TAOK1: variants seen among roughly 807,000 people sequenced by gnomAD.
The protein encoded by TAOK1 is TAO kinase 1, also known as serine/threonine-protein kinase TAO1.
A neutral mutation model predicts 138.3 loss-of-function variants in TAOK1; 21 were observed. That is an observed-to-expected ratio of 0.15 (90% CI 0.11 to 0.22). The LOEUF (loss-of-function observed/expected upper bound fraction) is 0.22. Ranked by LOEUF, TAOK1 falls within the 10% of genes least tolerant of loss-of-function variation. The pLI is 1.00. For synonymous variants in TAOK1, 361 were observed against 398.4 expected (o/e 0.91, Z 1.12); for missense variants, 651 against 1,227.7 (o/e 0.53, Z 7.02).
intron 1 of TAOK1, among the ~76,000 whole-genome samples, chr17:29,423,981 G>A (rs897077410): frequency 3.3e-5 from 5 of 151,352 alleles, no homozygotes; most frequent in Non-Finnish European, 7.4e-5. Context: ...CCCGGGAGGC[G>A]GAGGTTGCAG....
intron 1 of TAOK1, among the ~76,000 whole-genome samples, chr17:29,437,976 C>T (rs1025943264): frequency 1.3e-5 from 2 of 152,104 alleles, no homozygotes; most frequent in Non-Finnish European, 2.9e-5. Flanking sequence ...TTGTGATTCG[C>T]CCGCCTTAGC....
At chr17:29,519,129 A>T (rs1567742414) in intron 16 of TAOK1, among the ~76,000 whole-genome samples, 18 of 152,174 alleles carry the variant, frequency 1.2e-4, no homozygotes. Flanking sequence ...AATGGGTTCC[A>T]TGAAGTGTGT....
rs139779293 is a variant in TAOK1 at position 29,448,619 on chromosome 17, C to T, written c.-94-2836C>T. Among the ~76,000 whole-genome samples, 418 of 152,272 alleles carry T rather than the reference C, an allele frequency of 2.7e-3. 2 individuals carry two copies. The highest frequency in any genetic ancestry group is 9.3e-3 in the African/African-American group (387 of 41,560). On this transcript the variant is annotated intron_variant, in intron 1 of 19. Coordinates refer to ENST00000261716, the MANE Select transcript of TAOK1 (RefSeq NM_020791.4). ...TTTCAATTCCCTAATTATCTCTTGT[C>T]TCTCTGAATTTCTGGAAGTTGCTAT...
At chr17:29,497,697 A>C (rs1191683846) in intron 11 of TAOK1, among the ~76,000 whole-genome samples, 2 of 150,230 alleles carry the variant, frequency 1.3e-5, no homozygotes, top group Non-Finnish European at 3.0e-5. Flanking sequence ...AGAGTTCCCC[A>C]AAAACCTATT....
At chr17:29,400,219 C>T (rs1904793772) in intron 1 of TAOK1, among the ~76,000 whole-genome samples, 1 of 151,860 alleles carries the variant, frequency 6.6e-6, no homozygotes, top group South Asian at 2.1e-4. Context: ...AGTGGTGAAA[C>T]CCCGTCTTTA....
chr17:29,502,367 C>T (rs1328049654), intron 12 of TAOK1, among the ~76,000 whole-genome samples: 1 of 152,186 alleles, frequency 6.6e-6, no homozygotes. Flanking sequence ...GAGGTTGAAG[C>T]TACAGTGAGC....
At chr17:29,399,615 A>C (rs1904776222) in intron 1 of TAOK1, among the ~76,000 whole-genome samples, 1 of 152,096 alleles carries the variant, frequency 6.6e-6, no homozygotes, top group African/African-American at 2.4e-5. Context: ...GCGCCTGGTG[A>C]TATTGGATTT....
intron 1 of TAOK1, among the ~76,000 whole-genome samples, chr17:29,437,044 G>GAA (rs56709487): frequency 6.6e-6 from 1 of 151,810 alleles, no homozygotes; most frequent in Non-Finnish European, 1.5e-5. Context: ...GTTTAAAGAA[G>GAA]AAAAAAACCT....
At chr17:29,457,043 A>G (rs548827526) in intron 2 of TAOK1, among the ~76,000 whole-genome samples, 1 of 98,178 alleles carries the variant, frequency 1.0e-5, no homozygotes, top group African/African-American at 4.3e-5. Flanking sequence ...ATATAGTTCT[A>G]TTTCTGTAAC....
intron 2 of TAOK1, among the ~76,000 whole-genome samples, chr17:29,455,312 T>C (rs2030347405): frequency 6.6e-6 from 1 of 150,720 alleles, no homozygotes; most frequent in South Asian, 2.1e-4. Context: ...CATAGCTGTT[T>C]TTTGTATCTT....
At chr17:29,479,491 A>G (rs1380731237) in intron 6 of TAOK1, among the ~76,000 whole-genome samples, 2 of 152,146 alleles carry the variant, frequency 1.3e-5, no homozygotes, top group African/African-American at 4.8e-5. Context: ...ATTTTTTAAC[A>G]TGAGGATAAG....
intron 18 of TAOK1, among the ~76,000 whole-genome samples, chr17:29,533,289 C>T (rs1460604102): frequency 2.7e-5 from 4 of 146,252 alleles, no homozygotes; most frequent in Admixed American, 6.8e-5. Flanking sequence ...GGATGGCGGC[C>T]GGGAAGAGGC....
rs1905543964 is a variant in TAOK1 at position 29,423,909 on chromosome 17, C to T, written c.-94-27546C>T. Among the ~76,000 whole-genome samples the T allele has an allele frequency of 1.3e-5, 2 of 151,854 alleles. 1 individual carries two copies. The highest frequency in any genetic ancestry group is 4.2e-4 in the South Asian group (2 of 4,812). ...CTAAAAATACAAAAAATTAGCCAGGCGTGGTAGTGGACGCCTGTAATCCCA... is the reference window on the plus strand; with the variant it reads ...CTAAAAATACAAAAAATTAGCCAGGTGTGGTAGTGGACGCCTGTAATCCCA... On this transcript the variant is annotated intron_variant, in intron 1 of 19. Coordinates refer to ENST00000261716, the MANE Select transcript of TAOK1 (RefSeq NM_020791.4).
At chr17:29,515,464 G>C (rs765229244) in intron 15 of TAOK1, among the ~76,000 whole-genome samples, 5 of 152,140 alleles carry the variant, frequency 3.3e-5, no homozygotes, top group Non-Finnish European at 5.9e-5. Flanking sequence ...CAGAAACGTA[G>C]CTGTGCAGAG....
At chr17:29,519,376 G>A (rs985872500) in intron 16 of TAOK1, among the ~76,000 whole-genome samples, 3 of 151,964 alleles carry the variant, frequency 2.0e-5, no homozygotes, top group Admixed American at 6.6e-5. Flanking sequence ...CAAATGAGCC[G>A]GACGAGGTGG....
At chr17:29,497,226 G>T (rs1253295334) in intron 11 of TAOK1, among the ~76,000 whole-genome samples, 1 of 151,204 alleles carries the variant, frequency 6.6e-6, no homozygotes, top group Non-Finnish European at 1.5e-5. Context: ...CTGAAACCGT[G>T]CTCAATACTT....
chr17:29,441,813 G>A (rs959147152), intron 1 of TAOK1, among the ~76,000 whole-genome samples: 4 of 151,858 alleles, frequency 2.6e-5, no homozygotes, highest in Admixed American at 6.6e-5. Flanking sequence ...CAGGAGAATC[G>A]CTTGAACCCA....
At chr17:29,478,444 CAAATA>C (rs1272215851) in intron 6 of TAOK1, 97 bp downstream of exon 6, 5 of 783,254 alleles carry the variant, frequency 6.4e-6, no homozygotes, top group Non-Finnish European at 7.8e-6. Flanking sequence ...TGGTTAAAGC[CAAATA>C]AAATAATATA....
intron 3 of TAOK1, among the ~76,000 whole-genome samples, chr17:29,472,885 TAAA>T (rs1378432246): frequency 6.6e-6 from 1 of 152,216 alleles, no homozygotes; most frequent in East Asian, 1.9e-4. Flanking sequence ...TGGCCTTTCT[TAAA>T]TAATAAGGCT....
Sources: allele counts gnomAD v4.1 joint callset (sites outside exome capture counted in the v4.1 genomes callset), GRCh38; gene constraint gnomAD v4.1.1; transcripts MANE v1.5; gene names NCBI Gene and HGNC (gene_info 2026-07-23, HGNC 2026-07-21).